RGS12: variants seen among roughly 807,000 people sequenced by gnomAD.
The protein encoded by RGS12 is regulator of G protein signaling 12.
A neutral mutation model predicts 120.1 loss-of-function variants in RGS12; 66 were observed. The ratio of observed to expected loss-of-function variants is 0.55; its 90% confidence interval spans 0.45 to 0.67. RGS12 has a LOEUF of 0.67. Ranked by LOEUF, RGS12 falls within the 30% of genes least tolerant of loss-of-function variation. The pLI is 0.00. For synonymous variants in RGS12, 827 were observed against 804.7 expected, an observed-to-expected ratio of 1.03 and a Z score of -0.47; for missense variants, 1,859 against 1,957.7, an observed-to-expected ratio of 0.95 and a Z score of 0.95.
At chr4:3,288,498 G>T (rs903182735), upstream of RGS12, among the ~76,000 whole-genome samples, 8 of 152,226 alleles carry the variant, frequency 5.3e-5, no homozygotes, top group Admixed American at 5.2e-4. This position sits in a 1 kb window ranked among gnomAD's most constrained non-coding sequence, Gnocchi z 5.2. Flanking sequence ...GCCCATGGGT[G>T]TCCCTTGAGG....
chr4:3,400,078 A>G (rs1480809103), intron 4 of RGS12, among the ~76,000 whole-genome samples: 1 of 152,222 alleles, frequency 6.6e-6, no homozygotes, highest in African/African-American at 2.4e-5. Context: ...GGGGGCAACA[A>G]ACATTTCCAA....
In RGS12 at chr4:3,433,199, T is replaced by C. The variant is rs147170498; in HGVS notation, c.4114+2244T>C. 3.9e-5 allele frequency among the ~76,000 whole-genome samples: 6 copies of C among 152,320 alleles called. No individual in the cohort carries two copies. The East Asian group carries it at 1.2e-3, about 29-fold the overall frequency. On this transcript the variant is annotated intron_variant, in intron 17 of 17. Transcript: ENST00000336727. The surrounding 1 kb of genome is among the most constrained non-coding windows in gnomAD (Gnocchi z 4.4). Reference sequence around the variant, plus strand: ...TTGGGGGTCATCCCGGGTCACGCTCTCCGACGTTGACAGTTGCTGTGGGAT... The same window carrying C: ...TTGGGGGTCATCCCGGGTCACGCTCCCCGACGTTGACAGTTGCTGTGGGAT...
At chr4:3,425,360 A>G (rs1296828072) in intron 13 of RGS12, 104 bp from the exon 14 acceptor site, 2 of 1,014,776 alleles carry the variant, frequency 2.0e-6, no homozygotes, top group Non-Finnish European at 3.1e-6. Context: ...CTCCTGCGTG[A>G]CTCCATCAAG....
In RGS12 at chr4:3,317,386, C is replaced by T. The variant is rs369418455; in HGVS notation, c.1216C>T (p.Leu406=). 6.2e-7 allele frequency: 1 copy of T among 1,614,104 alleles called. No individual in the cohort carries two copies. The stretch of plus-strand genomic sequence containing the variant: ...TGAGGGCATGCGGGCCCGCGCCTTT[C>T]TGGACGGGGACGCCGATGCCCACCA... ...LIEGMRARAF[L]DGDADAHQNN... Residue 406 remains leucine (L), a synonymous_variant, in exon 2 of 18, where the codon CTG becomes TTG. Coordinates refer to ENST00000336727, the MANE Select transcript of RGS12 (RefSeq NM_001394154.1).
rs1250309585 is a variant in RGS12 at position 3,433,247 on chromosome 4, G to A, written c.4114+2292G>A. On this transcript the variant is annotated intron_variant, in intron 17 of 17. Transcript: ENST00000336727. This position sits in a 1 kb window ranked among gnomAD's most constrained non-coding sequence, Gnocchi z 4.4. The stretch of plus-strand genomic sequence containing the variant: ...GATGCTTCCTCACAATGTGGCAGCC[G>A]CCCTGGACCCAGCGTCCGGGGTGAG... Among the ~76,000 whole-genome samples, 3 of 152,210 alleles carry A rather than the reference G, an allele frequency of 2.0e-5. No homozygotes were observed. Among genetic ancestry groups the A allele is most frequent in the East Asian group, 1.9e-4 (1 of 5,198 alleles).
chr4:3,353,567 G>A (rs1057451935), intron 3 of RGS12, among the ~76,000 whole-genome samples: 3 of 152,152 alleles, frequency 2.0e-5, no homozygotes, highest in African/African-American at 7.2e-5. Context: ...CTTCCCTGAT[G>A]TGGCATTGTT....
intron 3 of RGS12, among the ~76,000 whole-genome samples, chr4:3,380,184 A>C (rs1718114577): frequency 6.6e-6 from 1 of 152,182 alleles, no homozygotes; most frequent in Non-Finnish European, 1.5e-5. Context: ...GCAATAGGGC[A>C]GTCATTAAAC....
At chr4:3,415,782 G>A (rs192370832) in intron 6 of RGS12, among the ~76,000 whole-genome samples, 196 bp from the exon 7 acceptor site, 62 of 152,352 alleles carry the variant, frequency 4.1e-4, no homozygotes, top group African/African-American at 1.1e-3. Flanking sequence ...TTAAGTATCC[G>A]TTTAAACAAT....
upstream of RGS12, among the ~76,000 whole-genome samples, chr4:3,291,747 C>T (rs1361028452): frequency 1.3e-5 from 2 of 152,176 alleles, no homozygotes; most frequent in African/African-American, 4.8e-5. Flanking sequence ...GTCTGGCTTC[C>T]TGTAACCGCT....
chr4:3,427,943 C>G, intron 14 of RGS12, 147 bp from the exon 15 acceptor site: 1 of 783,338 alleles, frequency 1.3e-6, no homozygotes, highest in Non-Finnish European at 2.2e-6. Context: ...GGGGACTCCC[C>G]TCAGGGCTGT....
chr4:3,329,323 G>A (rs1229198849), intron 2 of RGS12, among the ~76,000 whole-genome samples: 3 of 152,162 alleles, frequency 2.0e-5, no homozygotes. Flanking sequence ...GAGGGGGACT[G>A]CCCCATAGAA....
intron 4 of RGS12, among the ~76,000 whole-genome samples, chr4:3,406,229 C>G (rs771624685): frequency 2.0e-5 from 3 of 152,206 alleles, no homozygotes; most frequent in Non-Finnish European, 4.4e-5. Flanking sequence ...AGAGCCTGCA[C>G]CCACGCCTCC....
chr4:3,414,363 G>T, intron 5 of RGS12, 122 bp downstream of exon 5: 1 of 1,150,236 alleles, frequency 8.7e-7, no homozygotes, highest in South Asian at 1.6e-5. Flanking sequence ...CCCCGTGGCA[G>T]GGGTCTCCCC....
chr4:3,410,521 G>C (rs1184869378), intron 4 of RGS12, among the ~76,000 whole-genome samples: 1 of 152,242 alleles, frequency 6.6e-6, no homozygotes, highest in Non-Finnish European at 1.5e-5. Context: ...CCGTCTCCCA[G>C]CACTGGGCGG....
chr4:3,316,526 G>T lies in RGS12; in HGVS notation c.356G>T (p.Trp119Leu), dbSNP rs572193460. ...GGGGGACTCTATGAAGGAAAAGGCT[G>T]GCTGAAGCCCAAGCTGGATTCTAAA... ...EEGGLYEGKG[W>L]LKPKLDSKAL... The change falls in exon 2 of 18, where the codon TGG becomes TTG. Residue 119 changes from tryptophan (W) to leucine (L), a missense_variant. Trp to Leu is a moderately conservative substitution (Grantham distance 61). Transcript: ENST00000336727. 81 of 1,614,168 alleles carry T rather than the reference G, an allele frequency of 5.0e-5. No homozygotes were observed. The highest frequency in any genetic ancestry group is 3.3e-4 in the Middle Eastern group (2 of 6,062).
chr4:3,296,400 G>C (rs1055372871), intron 1 of RGS12, among the ~76,000 whole-genome samples: 1 of 151,746 alleles, frequency 6.6e-6, no homozygotes, highest in African/African-American at 2.4e-5. Flanking sequence ...ATGTTGCCCA[G>C]GCTGATCTTG....
intron 12 of RGS12, 139 bp from the exon 13 acceptor site, chr4:3,423,376 C>T: frequency 8.5e-7 from 1 of 1,169,608 alleles, no homozygotes. Context: ...AAGGCACGTT[C>T]TGATCAGCTG....
At chr4:3,338,469 G>A (rs979019274) in intron 2 of RGS12, among the ~76,000 whole-genome samples, 1 of 152,210 alleles carries the variant, frequency 6.6e-6, no homozygotes, top group Non-Finnish European at 1.5e-5. Flanking sequence ...GAGGGAACCC[G>A]ATGCTTTTCT....
At chr4:3,342,661 C>A in intron 2 of RGS12, 1 of 1,115,764 alleles carries the variant, frequency 9.0e-7, no homozygotes, top group South Asian at 1.4e-5. Flanking sequence ...TGCCGTCATC[C>A]TGTTCTGTGT....
Sources: allele counts gnomAD v4.1 joint callset (sites outside exome capture counted in the v4.1 genomes callset), GRCh38; gene constraint gnomAD v4.1.1; non-coding constraint Gnocchi (gnomAD v3.1); transcripts MANE v1.5; gene names NCBI Gene and HGNC (gene_info 2026-07-23, HGNC 2026-07-21).